NCOA2: variants seen among roughly 807,000 people sequenced by gnomAD.
NCOA2 encodes nuclear receptor coactivator 2, also known as class E basic helix-loop-helix protein 75.
NCOA2 carries 21 observed loss-of-function variants against 145.1 expected under a neutral mutation model. That is an observed-to-expected ratio of 0.14 (90% CI 0.10 to 0.21). NCOA2 has a LOEUF of 0.21. Ranked by LOEUF, NCOA2 falls within the 10% of genes least tolerant of loss-of-function variation. NCOA2 has a pLI of 1.00. For missense variants in NCOA2, 1,472 were observed against 1,837.6 expected, an observed-to-expected ratio of 0.80 and a Z score of 3.64; for synonymous variants, 619 against 637.5, an observed-to-expected ratio of 0.97 and a Z score of 0.44.
chr8:70,197,177 C>T (rs1029901219), intron 4 of NCOA2, among the ~76,000 whole-genome samples: 1 of 152,162 alleles, frequency 6.6e-6, no homozygotes, highest in Admixed American at 6.5e-5. Flanking sequence ...TTAAACATTA[C>T]CCATATGGTG....
intron 1 of NCOA2, among the ~76,000 whole-genome samples, chr8:70,350,564 A>G (rs1233437512): frequency 1.3e-5 from 2 of 152,228 alleles, no homozygotes; most frequent in East Asian, 3.8e-4. Flanking sequence ...ATGTGATTCC[A>G]TGAATAAACA....
chr8:70,156,289 T>C lies in NCOA2; in HGVS notation c.2076A>G (p.Arg692=), dbSNP rs1256395118. The change falls in exon 11 of 23, where the codon AGA becomes AGG. Residue 692 remains arginine (R), a synonymous_variant. Coordinates refer to ENST00000452400, the MANE Select transcript of NCOA2 (RefSeq NM_006540.4). ...CAGGGGAACTGCTGTCCTGCAAGAG[T>C]CTGTGCAAAATTTTATGCTTCTCCT... is the stretch of plus-strand genomic sequence containing the variant. The part of the protein sequence containing the change: ...SLKEKHKILH[R]LLQDSSSPVD... 6 of 1,613,474 alleles carry C rather than the reference T, an allele frequency of 3.7e-6. No individual in the cohort carries two copies. In the African/African-American group the frequency reaches 8.0e-5, roughly 22 times the overall value.
intron 1 of NCOA2, among the ~76,000 whole-genome samples, chr8:70,322,164 T>C (rs1476483599): frequency 2.0e-5 from 3 of 152,076 alleles, no homozygotes; most frequent in African/African-American, 7.2e-5. Flanking sequence ...AAGTTATTTA[T>C]TTCATCATAT....
intron 1 of NCOA2, among the ~76,000 whole-genome samples, chr8:70,367,356 A>G (rs1449314521): frequency 6.6e-6 from 1 of 152,196 alleles, no homozygotes; most frequent in Non-Finnish European, 1.5e-5. Flanking sequence ...CTTTTGTGCC[A>G]ATTTCTGAAG....
the NCOA2 span, among the ~76,000 whole-genome samples, chr8:70,409,285 CACTGCCAGCTTCAATATTT>C: frequency 6.6e-6 from 1 of 152,156 alleles, no homozygotes; most frequent in Admixed American, 6.5e-5. Context: ...GAATGACTTA[CACTGCCAGCTTCAATATTT>C]ACTATAAAGC....
intron 2 of NCOA2, among the ~76,000 whole-genome samples, chr8:70,228,223 T>C (rs114536546): frequency 0.01 from 1,532 of 152,304 alleles, 36 homozygotes; most frequent in African/African-American, 0.035. Flanking sequence ...AGCCATTCTG[T>C]AAGATCACGA....
At chr8:70,150,860 T>G (rs1585852711) in intron 11 of NCOA2, among the ~76,000 whole-genome samples, 1 of 152,230 alleles carries the variant, frequency 6.6e-6, no homozygotes, top group Non-Finnish European at 1.5e-5. Flanking sequence ...ATCAGTAATT[T>G]TTTTCATAGG....
chr8:70,350,224 A>G (rs1809055409), intron 1 of NCOA2, among the ~76,000 whole-genome samples: 1 of 152,154 alleles, frequency 6.6e-6, no homozygotes, highest in Admixed American at 6.5e-5. Flanking sequence ...ATAATCATCT[A>G]TGATAGCTTA....
chr8:70,286,415 A>T (rs1364091553), intron 2 of NCOA2, among the ~76,000 whole-genome samples: 1 of 152,214 alleles, frequency 6.6e-6, no homozygotes, highest in African/African-American at 2.4e-5. Flanking sequence ...CTCTGTTTTA[A>T]AAAGATGTGG....
At chr8:70,404,517 A>T (rs377499541), upstream of NCOA2, among the ~76,000 whole-genome samples, 4 of 152,210 alleles carry the variant, frequency 2.6e-5, no homozygotes, top group East Asian at 3.9e-4. Flanking sequence ...GGCGCCCCGC[A>T]TCCGTCAAGT....
chr8:70,245,681 C>T (rs1023650434), intron 2 of NCOA2, among the ~76,000 whole-genome samples: 1 of 151,886 alleles, frequency 6.6e-6, no homozygotes, highest in Non-Finnish European at 1.5e-5. Flanking sequence ...AAAATATATA[C>T]CCTAAAATGA....
the NCOA2 span, among the ~76,000 whole-genome samples, chr8:70,454,314 C>A: frequency 6.6e-6 from 1 of 152,204 alleles, no homozygotes; most frequent in Admixed American, 6.5e-5. Flanking sequence ...GACAGCTCGG[C>A]AGCTCTGAAC....
intron 16 of NCOA2, among the ~76,000 whole-genome samples, chr8:70,130,381 C>CTTTTTTGA (rs1808959314): frequency 6.6e-6 from 1 of 152,046 alleles, no homozygotes; most frequent in African/African-American, 2.4e-5. Context: ...GACATGACAC[C>CTTTTTTGA]TGTTTTGATA....
chr8:70,255,946 T>C lies in NCOA2; in HGVS notation c.-19-39182A>G, dbSNP rs142125021. On this transcript the variant is annotated intron_variant, in intron 2 of 22. Coordinates refer to ENST00000452400, the MANE Select transcript of NCOA2 (RefSeq NM_006540.4). ...ATGAATGGAAGCTGAATCTGCTGAC[T>C]TGAAGCTGCTACCTTTCCTTCCTAA... Among the ~76,000 whole-genome samples, 9 of 152,346 alleles carry C rather than the reference T, an allele frequency of 5.9e-5. No individual in the cohort carries two copies. In the East Asian group the frequency reaches 1.7e-3, roughly 29 times the overall value.
intron 1 of NCOA2, among the ~76,000 whole-genome samples, chr8:70,381,429 G>A (rs181897906): frequency 1.7e-3 from 260 of 152,220 alleles, no homozygotes; most frequent in Non-Finnish European, 3.3e-3. Context: ...TAAAGTGAAG[G>A]CAGTAGTGCT....
the NCOA2 span, among the ~76,000 whole-genome samples, chr8:70,445,595 A>AC: frequency 6.6e-6 from 1 of 151,228 alleles, no homozygotes; most frequent in African/African-American, 2.4e-5. Context: ...TTGCCCCAAG[A>AC]CCCCCCACGC....
chr8:70,241,704 C>T (rs1441249718), intron 2 of NCOA2, among the ~76,000 whole-genome samples: 1 of 152,158 alleles, frequency 6.6e-6, no homozygotes, highest in Non-Finnish European at 1.5e-5. Context: ...TCCTGCACCA[C>T]TGACTCATTA....
chr8:70,298,573 T>C (rs1255500783), intron 1 of NCOA2, among the ~76,000 whole-genome samples: 1 of 152,210 alleles, frequency 6.6e-6, no homozygotes, highest in African/African-American at 2.4e-5. Flanking sequence ...TATGCTGGCC[T>C]ACTTAAGCCC....
At chr8:70,347,037 ATCTCT>A (rs1176368738) in intron 1 of NCOA2, among the ~76,000 whole-genome samples, 3 of 152,344 alleles carry the variant, frequency 2.0e-5, no homozygotes, top group African/African-American at 7.2e-5. Flanking sequence ...ACAAAATTCA[ATCTCT>A]TCTCTTTTAA....
Sources: gnomAD v4.1 joint callset for allele counts (sites outside exome capture counted in the v4.1 genomes callset) on GRCh38, gnomAD v4.1.1 for gene constraint, MANE v1.5 for transcripts, NCBI Gene and HGNC (gene_info 2026-07-23, HGNC 2026-07-21) for gene names.